The following ROBO3 variants were observed in gnomAD, a reference collection of about 807,000 sequenced individuals.
ROBO3 encodes the protein roundabout guidance receptor 3.
ROBO3 carries 97 observed loss-of-function variants against 160.5 expected under a neutral mutation model. That is an observed-to-expected ratio of 0.60 (90% CI 0.51 to 0.72). ROBO3 has a LOEUF of 0.72. Ranked by LOEUF, ROBO3 falls within the 30% of genes least tolerant of loss-of-function variation. The probability of loss-of-function intolerance (pLI) is 0.00; values close to 1 mark genes in which losing one functional copy is unlikely to be tolerated. For synonymous variants in ROBO3, 780 were observed against 746.2 expected, an observed-to-expected ratio of 1.05 and a Z score of -0.74; for missense variants, 1,858 against 1,846.5, an observed-to-expected ratio of 1.01 and a Z score of -0.11.
In ROBO3 at chr11:124,868,917, A is replaced by G. The variant is rs765375817; in HGVS notation, c.276A>G (p.Arg92=). 3 of 1,607,882 alleles carry G rather than the reference A, an allele frequency of 1.9e-6. No individual in the cohort carries two copies. The highest frequency in any genetic ancestry group is 1.7e-6 in the Non-Finnish European group (2 of 1,177,830). Residue 92 remains arginine, a synonymous_variant, in exon 2 of 28, where the codon CGA becomes CGG. Coordinates refer to ENST00000397801, the MANE Select transcript of ROBO3 (RefSeq NM_022370.4). Reference sequence around the variant, plus strand: ...CCTGCCGCGCTGAAGGCCGACCCCGACCCAACATTGAGTGGTACAAGAACG... The same window carrying G: ...CCTGCCGCGCTGAAGGCCGACCCCGGCCCAACATTGAGTGGTACAAGAACG... ...TLPCRAEGRP[R]PNIEWYKNGA...
chr11:124,880,468 G>A lies in ROBO3; in HGVS notation c.4009G>A (p.Gly1337Ser). 6.2e-7 allele frequency: 1 copy of A among 1,610,744 alleles called. No individual in the cohort carries two copies. The highest frequency in any genetic ancestry group is 2.2e-5 in the East Asian group (1 of 44,848). The part of the protein sequence containing the change: ...SRPSFLSRGQ[G>S]TSTCSTAGSN... ...ACCAAGCTTCCTGTCCCGGGGCCAG[G>A]GCACCAGCACATGTTCCACGGCCGG... The change falls in exon 27 of 28, where the codon GGC becomes AGC. Residue 1337 changes from glycine to serine, a missense_variant. By Grantham distance (56) the Gly-to-Ser change is moderately conservative. Transcript: ENST00000397801.
At position 124,878,528 on chromosome 11, in the gene ROBO3, G is replaced by A. The variant is rs1946464814; in HGVS notation, c.3321-56G>A. The stretch of plus-strand genomic sequence containing the variant: ...GGGAGGGGGCAGCAGGAAGGCCAAC[G>A]GGAAGGTATGGAAGCAGCTGAGCCC... On this transcript the variant is annotated intron_variant, in intron 22 of 27. Transcript: ENST00000397801. This position sits in a 1 kb window ranked among gnomAD's most constrained non-coding sequence, Gnocchi z 4.3. The A allele has an allele frequency of 1.1e-5, 18 of 1,600,578 alleles. No individual in the cohort carries two copies. The highest frequency in any genetic ancestry group is 4.5e-5 in the East Asian group (2 of 44,624).
Position 124,875,638 on chromosome 11 carries a change from G to A in ROBO3, c.2374G>A (p.Glu792Lys). ...CAACAGCAGTATCACTGTGTCCTGG[G>A]AACCTCCACTCCCCTCCCAGCAAAA... Reference protein sequence around the residue: ...DGNSSITVSWEPPLPSQQNGV... With the variant: ...DGNSSITVSWKPPLPSQQNGV... Residue 792 changes from glutamate (E) to lysine (K), a missense_variant, in exon 15 of 28, where the codon GAA (glutamate) becomes AAA (lysine). Glu to Lys is a moderately conservative substitution (Grantham distance 56). Transcript: ENST00000397801. The A allele has an allele frequency of 6.2e-7, 1 of 1,610,962 alleles. No homozygotes were observed. Among genetic ancestry groups the A allele is most frequent in the Non-Finnish European group, 8.5e-7 (1 of 1,178,708 alleles).
In ROBO3 at chr11:124,878,390, T is replaced by C. The variant is rs758434347; in HGVS notation, c.3274T>C (p.Cys1092Arg). The C allele has an allele frequency of 9.3e-6, 15 of 1,613,918 alleles. No individual in the cohort carries two copies. Among genetic ancestry groups the C allele is most frequent in the Non-Finnish European group, 1.1e-5 (13 of 1,179,872 alleles). ...PEALPPPPPS[C>R]ELSCLEGPEE... ...AGCCCTGCCCCCACCTCCTCCTTCTTGTGAACTGAGCTGCCTAGAAGGGCC... is the reference window on the plus strand; with the variant it reads ...AGCCCTGCCCCCACCTCCTCCTTCTCGTGAACTGAGCTGCCTAGAAGGGCC... The change falls in exon 22 of 28, where the codon TGT becomes CGT. Residue 1092 changes from cysteine to arginine, a missense_variant. Physicochemically the swap from Cys to Arg is radical, Grantham distance 180. Transcript: ENST00000397801. This position sits in a 1 kb window ranked among gnomAD's most constrained non-coding sequence, Gnocchi z 4.3.
At position 124,878,471 on chromosome 11, in the gene ROBO3, T is replaced by A. The variant is rs1345612174; in HGVS notation, c.3320+35T>A. 1.2e-6 allele frequency: 2 copies of A among 1,607,810 alleles called. No homozygotes were observed. Among genetic ancestry groups the A allele is most frequent in the African/African-American group, 2.7e-5 (2 of 74,748 alleles). On this transcript the variant is annotated intron_variant, in intron 22 of 27. Transcript: ENST00000397801. The surrounding 1 kb of genome is among the most constrained non-coding windows in gnomAD (Gnocchi z 4.3). ...CTCCCTGCTTCCAGGCCCACACACC[T>A]GCGGCCAGACCATGGGCTGCTGGGG... is the stretch of plus-strand genomic sequence containing the variant.
At position 124,878,574 on chromosome 11, in the gene ROBO3, T is replaced by C; in HGVS notation, c.3321-10T>C. ...AGCCCTTTCCTTCTCTCCTGCCTCT[T>C]TGATCCCAGCTCAGAGCCAGAGGAG... On this transcript the variant is annotated splice_polypyrimidine_tract_variant and intron_variant, in intron 22 of 27. Coordinates refer to ENST00000397801, the MANE Select transcript of ROBO3 (RefSeq NM_022370.4). This position sits in a 1 kb window ranked among gnomAD's most constrained non-coding sequence, Gnocchi z 4.3. The C allele has an allele frequency of 6.2e-7, 1 of 1,609,422 alleles. No homozygotes were observed. Among genetic ancestry groups the C allele is most frequent in the Non-Finnish European group, 8.5e-7 (1 of 1,177,918 alleles).
rs1946386963 is a variant in ROBO3, at chr11:124,876,742, A to AAG, written c.2779+282_2779+283insAG. On this transcript the variant is annotated intron_variant, in intron 17 of 27. Coordinates refer to ENST00000397801, the MANE Select transcript of ROBO3 (RefSeq NM_022370.4). The surrounding 1 kb of genome is among the most constrained non-coding windows in gnomAD (Gnocchi z 5.3). ...CAACCATCTCCATAAAGAAGGGGCA[A>AAG]GTTCGAGGACGGAAAGCCCACTCAA... is the stretch of plus-strand genomic sequence containing the variant. The AAG allele has an allele frequency of 3.5e-6, 1 of 287,770 alleles. No individual in the cohort carries two copies. The highest frequency in any genetic ancestry group is 4.5e-5 in the South Asian group (1 of 22,460). 17.8% of individuals were successfully genotyped at this position (287,770 alleles called of 1,614,324 possible). A position where few individuals can be genotyped will look rare whatever the true frequency, so the allele number is the denominator to read the frequency against.
chr11:124,866,845 A>C (rs1330372398), intron 1 of ROBO3, among the ~76,000 whole-genome samples: 1 of 152,084 alleles, frequency 6.6e-6, no homozygotes, highest in Non-Finnish European at 1.5e-5. Flanking sequence ...TTGGGGAGAA[A>C]GACGATGGGG....
At chr11:124,879,755 G>A in intron 25 of ROBO3, 32 bp from the exon 26 acceptor site, 1 of 1,610,546 alleles carries the variant, frequency 6.2e-7, no homozygotes, top group Non-Finnish European at 8.5e-7. Flanking sequence ...AGGAGTGGCA[G>A]GAGGCTCCGC....
rs1480966327 is a variant in ROBO3 at position 124,874,166 on chromosome 11, T to C, written c.1881T>C (p.Phe627=). ...TGCAGCCCAATACCATCTACCTGTT[T>C]CTGGTTCGAGCAGTGGGAGCCTGGG... ...SGLQPNTIYL[F]LVRAVGAWGL... is the part of the protein sequence containing the mutation. Residue 627 remains phenylalanine, a synonymous_variant, in exon 12 of 28, where the codon TTT becomes TTC. Transcript: ENST00000397801. 1 of 1,613,992 alleles carries C rather than the reference T, an allele frequency of 6.2e-7. No homozygotes were observed. Among genetic ancestry groups the C allele is most frequent in the Admixed American group, 1.7e-5 (1 of 60,032 alleles).
chr11:124,877,822 T>G, intron 20 of ROBO3, 115 bp from the exon 21 acceptor site: 1 of 1,164,096 alleles, frequency 8.6e-7, no homozygotes, highest in Non-Finnish European at 1.2e-6. Flanking sequence ...TGGTTTAGGA[T>G]GTAAGGCTTG....
At position 124,873,644 on chromosome 11, in the gene ROBO3, A is replaced by ACTAGGATTATCCTTTCC. The variant is rs1461854075; in HGVS notation, c.1619-49_1619-33dup. The ACTAGGATTATCCTTTCC allele has an allele frequency of 1.3e-6, 2 of 1,514,116 alleles. No homozygotes were observed. The highest frequency in any genetic ancestry group is 2.8e-5 in the African/African-American group (2 of 72,584). The allele number at this position is 1,514,116 out of a possible 1,614,324, so 93.8% of individuals were successfully genotyped here. A position where few individuals can be genotyped will look rare whatever the true frequency, so the allele number is the denominator to read the frequency against. On this transcript the variant is annotated intron_variant, in intron 10 of 27. Transcript: ENST00000397801. This position sits in a 1 kb window ranked among gnomAD's most constrained non-coding sequence, Gnocchi z 4.5. The stretch of plus-strand genomic sequence containing the variant: ...CTCCCCTGGTAAGGAGACAGGTTAC[A>ACTAGGATTATCCTTTCC]CTAGGATTATCCTTTCCCTATCTTT...
At position 124,878,238 on chromosome 11, in the gene ROBO3, T is replaced by C; in HGVS notation, c.3182-60T>C. 1 of 1,595,496 alleles carries C rather than the reference T, an allele frequency of 6.3e-7. No homozygotes were observed. The highest frequency in any genetic ancestry group is 1.7e-5 in the Admixed American group (1 of 57,680). On this transcript the variant is annotated intron_variant, in intron 21 of 27. Coordinates refer to ENST00000397801, the MANE Select transcript of ROBO3 (RefSeq NM_022370.4). The surrounding 1 kb of genome is among the most constrained non-coding windows in gnomAD (Gnocchi z 4.3). Reference sequence around the variant, plus strand: ...CCTAGCCCGGCACTTCCTTCTGACCTGTCTCATCTCTGGCTCTTTCCTGCC... The same window carrying C: ...CCTAGCCCGGCACTTCCTTCTGACCCGTCTCATCTCTGGCTCTTTCCTGCC...
intron 6 of ROBO3, 140 bp downstream of exon 6, chr11:124,870,868 G>C: frequency 6.6e-7 from 1 of 1,515,390 alleles, no homozygotes. Context: ...AGTGGGAGGA[G>C]GAGAACACTA....
chr11:124,880,338 G>A (rs781538268), intron 26 of ROBO3, 80 bp from the exon 27 acceptor site: 1 of 1,563,596 alleles, frequency 6.4e-7, no homozygotes, highest in South Asian at 1.2e-5. Flanking sequence ...AGCTGAGCCT[G>A]TGGTCAGGGT....
Position 124,873,363 on chromosome 11 carries a change from C to G in ROBO3, c.1590C>G (p.Ala530=). ...SCVAKSSTGE[A]TWSGWLKMRE... ...TGGCCAAGAGTTCCACAGGGGAAGC[C>G]ACATGGAGCGGCTGGCTTAAGATGC... Residue 530 remains alanine, a synonymous_variant, in exon 10 of 28, where the codon GCC becomes GCG. Transcript: ENST00000397801. This position sits in a 1 kb window ranked among gnomAD's most constrained non-coding sequence, Gnocchi z 4.5. 2.5e-6 allele frequency: 4 copies of G among 1,612,622 alleles called. No individual in the cohort carries two copies. The highest frequency in any genetic ancestry group is 3.4e-6 in the Non-Finnish European group (4 of 1,179,446).
chr11:124,875,135 C>A lies in ROBO3; in HGVS notation c.2098C>A (p.Gln700Lys). 1.2e-6 allele frequency: 2 copies of A among 1,610,824 alleles called. No individual in the cohort carries two copies. The highest frequency in any genetic ancestry group is 1.7e-6 in the Non-Finnish European group (2 of 1,178,730). The stretch of plus-strand genomic sequence containing the variant: ...GGTGGATGGCCCAGTCCAGCTGGTG[C>A]AAGGTTTCCGGGTGTCTTGGAGGGT... ...WTVDGPVQLV[Q>K]GFRVSWRVAG... is the part of the protein sequence containing the mutation. The change falls in exon 14 of 28, where the codon CAA becomes AAA. Residue 700 changes from glutamine (Q) to lysine (K), a missense_variant. Physicochemically the swap from Gln to Lys is moderately conservative, Grantham distance 53. Coordinates refer to ENST00000397801, the MANE Select transcript of ROBO3 (RefSeq NM_022370.4).
At position 124,880,433 on chromosome 11, in the gene ROBO3, C is replaced by A. The variant is rs111924090; in HGVS notation, c.3974C>A (p.Pro1325Gln). ...VLHPDEEAWL[P>Q]YSRPSFLSRG... is the part of the protein sequence containing the mutation. ...TGTGCTGCAGAAGAGGCCTGGCTCC[C>A]ATACAGCAGACCAAGCTTCCTGTCC... The change falls in exon 27 of 28, where the codon CCA becomes CAA. Residue 1325 changes from proline (P) to glutamine (Q), a missense_variant. By Grantham distance (76) the Pro-to-Gln change is moderately conservative. Coordinates refer to ENST00000397801, the MANE Select transcript of ROBO3 (RefSeq NM_022370.4). 14 of 1,613,294 alleles carry A rather than the reference C, an allele frequency of 8.7e-6. No individual in the cohort carries two copies. Among genetic ancestry groups the A allele is most frequent in the African/African-American group, 8.0e-5 (6 of 75,026 alleles).
At chr11:124,866,773 G>A (rs1270891450) in intron 1 of ROBO3, among the ~76,000 whole-genome samples, 1 of 152,184 alleles carries the variant, frequency 6.6e-6, no homozygotes, top group African/African-American at 2.4e-5. Context: ...GGCGCCTGCA[G>A]CTGTGTCTAC....
Sources: gnomAD v4.1 joint callset for allele counts (sites outside exome capture counted in the v4.1 genomes callset) on GRCh38, gnomAD v4.1.1 for gene constraint, Gnocchi (gnomAD v3.1) non-coding constraint, MANE v1.5 for transcripts, NCBI Gene and HGNC (gene_info 2026-07-23, HGNC 2026-07-21) for gene names.